Variants in SNRPN observed in about 807,000 individuals in gnomAD.
The protein encoded by SNRPN is small nuclear ribonucleoprotein polypeptide N.
Under a neutral mutation model 25.2 loss-of-function variants are expected in SNRPN, and 7 were observed. The ratio of observed to expected loss-of-function variants is 0.28; its 90% confidence interval spans 0.16 to 0.52. The LOEUF (loss-of-function observed/expected upper bound fraction) is 0.52. Among genes scored for constraint, SNRPN ranks in the 20% least tolerant of loss-of-function variants. The pLI is 0.96. For missense variants in SNRPN, 196 were observed against 322.5 expected (o/e 0.61, Z 3.00); for synonymous variants, 124 against 110.6 (o/e 1.12, Z -0.76).
chr15:24,954,847 C>A (rs531742598), upstream of SNRPN: 1,528 of 692,622 alleles, frequency 2.2e-3, 3 homozygotes, highest in Non-Finnish European at 3.1e-3. Context: ...CCCCTCCCCC[C>A]AGGTCATTCC....
intron 2 of SNRPN, among the ~76,000 whole-genome samples, chr15:24,899,859 G>T (rs1390128948): frequency 6.6e-6 from 1 of 152,116 alleles, no homozygotes; most frequent in African/African-American, 2.4e-5. Context: ...CTTGTGTTTT[G>T]TCTGCCTCCT....
intron 1 of SNRPN, among the ~76,000 whole-genome samples, chr15:24,881,368 C>CAAAA (rs71127009): frequency 0.05 from 7,388 of 146,314 alleles, 186 homozygotes; most frequent in Non-Finnish European, 0.061. Context: ...ACTAAAAATA[C>CAAAA]AAAAAAAAAA....
intron 2 of SNRPN, chr15:24,848,885 C>T (rs1566822317): frequency 6.6e-6 from 1 of 151,740 alleles, no homozygotes. Flanking sequence ...TTCACTACTA[C>T]GTGTTTTTTT....
At chr15:24,922,934 C>G (rs926422156) in intron 3 of SNRPN, among the ~76,000 whole-genome samples, 4 of 108,762 alleles carry the variant, frequency 3.7e-5, no homozygotes, top group Non-Finnish European at 5.0e-5. Context: ...CAGAGTCTCG[C>G]TCTATTGCTC....
chr15:24,957,745 T>C (rs375360395), intron 1 of SNRPN, among the ~76,000 whole-genome samples: 26 of 152,336 alleles, frequency 1.7e-4, no homozygotes, highest in African/African-American at 4.6e-4. Flanking sequence ...CCCTTTTTTT[T>C]CTGCTTGCAT....
At chr15:24,859,566 T>G (rs1458909427) in intron 1 of SNRPN, among the ~76,000 whole-genome samples, 1 of 152,214 alleles carries the variant, frequency 6.6e-6, no homozygotes, top group Admixed American at 6.5e-5. Context: ...TGATACTTTA[T>G]GGATATTTTT....
chr15:24,862,051 A>T (rs1006900743), intron 1 of SNRPN, among the ~76,000 whole-genome samples: 1 of 150,980 alleles, frequency 6.6e-6, no homozygotes, highest in Non-Finnish European at 1.5e-5. Context: ...GTGTTGCTGC[A>T]GGCGATCCTG....
intron 1 of SNRPN, among the ~76,000 whole-genome samples, chr15:24,882,823 C>CAAAAAAAAAA (rs10543501): frequency 2.5e-4 from 32 of 127,092 alleles, no homozygotes; most frequent in African/African-American, 9.4e-4. Context: ...GACTCCATCT[C>CAAAAAAAAAA]AAAAAAAAAA....
Position 24,969,711 on chromosome 15 carries a change from A to G in SNRPN, c.-144+1629A>G, listed in dbSNP as rs577576467. 4.6e-5 allele frequency among the ~76,000 whole-genome samples: 7 copies of G among 152,324 alleles called. No homozygotes were observed. In the South Asian group the frequency reaches 1.4e-3, roughly 32 times the overall value. ...TTATAGTCTGCAAGTAGGACCATCTAATTTTATGATACTTAATTATATCTT... is the reference window on the plus strand; with the variant it reads ...TTATAGTCTGCAAGTAGGACCATCTGATTTTATGATACTTAATTATATCTT... On this transcript the variant is annotated intron_variant, in intron 3 of 9. Transcript: ENST00000390687.
intron 1 of SNRPN, among the ~76,000 whole-genome samples, chr15:24,865,781 C>T (rs565187088): frequency 6.6e-5 from 10 of 151,988 alleles, no homozygotes; most frequent in African/African-American, 1.9e-4. Flanking sequence ...CTTATGATCT[C>T]TATTTTAATA....
intron 2 of SNRPN, among the ~76,000 whole-genome samples, chr15:24,912,706 A>G (rs1164807095): frequency 6.6e-6 from 1 of 152,166 alleles, no homozygotes; most frequent in East Asian, 1.9e-4. Context: ...TGAGATTAAC[A>G]TCTCTATAAA....
intron 2 of SNRPN, among the ~76,000 whole-genome samples, chr15:24,907,946 G>A (rs181943916): frequency 1.5e-4 from 22 of 151,100 alleles, no homozygotes; most frequent in African/African-American, 2.9e-4. Context: ...CCAGCTACTC[G>A]GGGGGCTGAG....
At chr15:24,878,493 GTCT>G (rs2056224314) in intron 1 of SNRPN, among the ~76,000 whole-genome samples, 1 of 152,226 alleles carries the variant, frequency 6.6e-6, no homozygotes, top group Non-Finnish European at 1.5e-5. Context: ...CGCCCCGAGG[GTCT>G]GTTCCGCTTA....
rs899090244 is a variant in SNRPN at position 24,945,083 on chromosome 15, C to A, written c.-390-17031C>A. Among the ~76,000 whole-genome samples, 8 of 151,992 alleles carry A rather than the reference C, an allele frequency of 5.3e-5. 1 individual carries two copies. Among genetic ancestry groups the A allele is most frequent in the African/African-American group, 1.9e-4 (8 of 41,388 alleles). On this transcript the variant is annotated intron_variant, in intron 3 of 11. Transcript: ENST00000400097. ...AAATATCTGGGTACCATGGCCTAGC[C>A]CCATTGACACATAAGATCACTATCA... is the stretch of plus-strand genomic sequence containing the variant.
chr15:24,861,816 G>C (rs542071321), intron 1 of SNRPN, among the ~76,000 whole-genome samples: 1 of 152,040 alleles, frequency 6.6e-6, no homozygotes, highest in East Asian at 1.9e-4. Flanking sequence ...ATAAGTTTTA[G>C]TCACATCAAA....
chr15:24,933,730 G>T (rs950245165), intron 3 of SNRPN, among the ~76,000 whole-genome samples: 1 of 152,246 alleles, frequency 6.6e-6, no homozygotes, highest in Non-Finnish European at 1.5e-5. Flanking sequence ...CAGAAGAGGA[G>T]ACAAGGTGTG....
At chr15:24,834,280 G>A (rs1292205839) in intron 2 of SNRPN, among the ~76,000 whole-genome samples, 2 of 89,628 alleles carry the variant, frequency 2.2e-5, no homozygotes, top group Non-Finnish European at 5.1e-5. Flanking sequence ...GGTCAGATAA[G>A]GAAATTTCAG....
intron 2 of SNRPN, among the ~76,000 whole-genome samples, chr15:24,841,712 G>GT (rs1014391692): frequency 4.6e-5 from 7 of 152,130 alleles, no homozygotes; most frequent in African/African-American, 1.7e-4. Flanking sequence ...GCCACACTGC[G>GT]TAAGATTTCC....
chr15:24,936,603 T>C (rs1290283303), intron 3 of SNRPN, among the ~76,000 whole-genome samples: 1 of 151,522 alleles, frequency 6.6e-6, no homozygotes, highest in African/African-American at 2.4e-5. Context: ...GGCTGGGGAG[T>C]CCCTAAGAAA....
Sources: allele counts gnomAD v4.1 joint callset (sites outside exome capture counted in the v4.1 genomes callset), GRCh38; gene constraint gnomAD v4.1.1; transcripts MANE v1.5; gene names NCBI Gene and HGNC (gene_info 2026-07-23, HGNC 2026-07-21).